The following SSBP2 variants were observed in gnomAD, a reference collection of about 807,000 sequenced individuals.
The protein encoded by SSBP2 is single stranded DNA binding protein 2.
Under a neutral mutation model 61.8 loss-of-function variants are expected in SSBP2, and 17 were observed. That is an observed-to-expected ratio of 0.28 (90% CI 0.19 to 0.41). SSBP2 has a LOEUF of 0.41. SSBP2 is among the 10% of genes least tolerant of loss of function. The probability of loss-of-function intolerance (pLI) is 1.00; values close to 1 mark genes in which losing one functional copy is unlikely to be tolerated. For missense variants in SSBP2, 310 were observed against 458.7 expected, an observed-to-expected ratio of 0.68 and a Z score of 2.96; for synonymous variants, 139 against 141.3, an observed-to-expected ratio of 0.98 and a Z score of 0.12.
intron 3 of SSBP2, among the ~76,000 whole-genome samples, chr5:81,632,587 A>G (rs1415867527): frequency 6.6e-6 from 1 of 152,142 alleles, no homozygotes; most frequent in African/African-American, 2.4e-5. Context: ...ACAAGGGTAG[A>G]GATGGTCCTC....
chr5:81,418,401 T>C lies in SSBP2; in HGVS notation c.*2103A>G, dbSNP rs1199486139. 1 of 152,258 alleles carries C rather than the reference T, an allele frequency of 6.6e-6. No individual in the cohort carries two copies. The highest frequency in any genetic ancestry group is 6.5e-5 in the Admixed American group (1 of 15,284). 9.4% of individuals were successfully genotyped at this position (152,258 alleles called of 1,614,324 possible). On this transcript the variant is annotated 3_prime_UTR_variant, in exon 17 of 17. Transcript: ENST00000320672. ...GCAACATAAATTTAATTCAGCTTTTTTTTCTCAACAGTTCTGCCTAGTATC... is the reference window on the plus strand; with the variant it reads ...GCAACATAAATTTAATTCAGCTTTTCTTTCTCAACAGTTCTGCCTAGTATC...
Sources: gnomAD v4.1 joint callset for allele counts (sites outside exome capture counted in the v4.1 genomes callset) on GRCh38, gnomAD v4.1.1 for gene constraint, MANE v1.5 for transcripts, NCBI Gene and HGNC (gene_info 2026-07-23, HGNC 2026-07-21) for gene names.